The following DISP3 variants were observed in gnomAD, a reference collection of about 807,000 sequenced individuals.
DISP3 encodes protein dispatched homolog 3.
Under a neutral mutation model 135.3 loss-of-function variants are expected in DISP3, and 101 were observed. The ratio of observed to expected loss-of-function variants is 0.75; its 90% CI spans 0.64 to 0.88. The LOEUF (loss-of-function observed/expected upper bound fraction) is 0.88, where lower values mean the gene tolerates loss of function less well. Among genes scored for constraint, DISP3 ranks in the 40% least tolerant of loss-of-function variants. The probability of loss-of-function intolerance (pLI) is 0.00; values close to 1 mark genes in which losing one functional copy is unlikely to be tolerated. For missense variants in DISP3, 1,713 were observed against 1,878.6 expected (o/e 0.91, Z 1.63); for synonymous variants, 856 against 817.0 (o/e 1.05, Z -0.81).
At chr1:11,496,286 T>C (rs1641330242) in intron 1 of DISP3, among the ~76,000 whole-genome samples, 1 of 152,192 alleles carries the variant, frequency 6.6e-6, no homozygotes. Context: ...GTTTCGTGGA[T>C]ATGCATCCAC....
At chr1:11,479,848 T>C (rs1371955681) in intron 1 of DISP3, among the ~76,000 whole-genome samples, 1 of 151,990 alleles carries the variant, frequency 6.6e-6, no homozygotes, top group African/African-American at 2.4e-5. Flanking sequence ...CTACCTAGCG[T>C]ACTCGTGCTC....
At chr1:11,490,824 G>A (rs72635482) in intron 1 of DISP3, among the ~76,000 whole-genome samples, 24,315 of 152,180 alleles carry the variant, frequency 0.16, 2,275 homozygotes, top group East Asian at 0.47. Flanking sequence ...CTTGTAGGGT[G>A]GGGGTTGGAT....
At chr1:11,497,238 G>A (rs1212273113) in intron 1 of DISP3, among the ~76,000 whole-genome samples, 1 of 151,906 alleles carries the variant, frequency 6.6e-6, no homozygotes, top group African/African-American at 2.4e-5. Flanking sequence ...AGGTTATTGG[G>A]GTACAGGTGG....
At chr1:11,507,179 A>G (rs970169839) in intron 3 of DISP3, among the ~76,000 whole-genome samples, 1 of 152,188 alleles carries the variant, frequency 6.6e-6, no homozygotes, top group Non-Finnish European at 1.5e-5. Flanking sequence ...TTCAGAAGGC[A>G]CATAGAGTCG....
intron 10 of DISP3, among the ~76,000 whole-genome samples, chr1:11,522,683 AGCCCAGCCAGG>A (rs199629580): frequency 1.3e-3 from 26 of 19,942 alleles, no homozygotes; most frequent in South Asian, 4.6e-3. Flanking sequence ...ACCCAGCCAG[AGCCCAGCCAGG>A]GCCCAGCCAG....
intron 1 of DISP3, among the ~76,000 whole-genome samples, chr1:11,485,519 G>T (rs768903733): frequency 3.9e-5 from 6 of 152,164 alleles, no homozygotes; most frequent in African/African-American, 1.2e-4. Flanking sequence ...TTCAACGGGG[G>T]TCAGGGTGGG....
At chr1:11,487,627 CT>C (rs1466123169) in intron 1 of DISP3, among the ~76,000 whole-genome samples, 1 of 152,244 alleles carries the variant, frequency 6.6e-6, no homozygotes, top group Non-Finnish European at 1.5e-5. Context: ...CATTCCCAGG[CT>C]TCACCTCCTC....
At chr1:11,510,386 A>C (rs1427354296) in intron 3 of DISP3, among the ~76,000 whole-genome samples, 4 of 152,058 alleles carry the variant, frequency 2.6e-5, no homozygotes, top group African/African-American at 7.2e-5. Flanking sequence ...ATTACAGTGT[A>C]TCTTCAAATG....
Position 11,519,738 on chromosome 1 carries a change from C to T in DISP3, c.2058C>T (p.Asp686=), listed in dbSNP as rs374016674. The change falls in exon 9 of 21, where the codon GAC becomes GAT. Residue 686 remains aspartate (D), a synonymous_variant. Coordinates refer to ENST00000294484, the MANE Select transcript of DISP3 (RefSeq NM_020780.2). This position sits in a 1 kb window ranked among gnomAD's most constrained non-coding sequence, Gnocchi z 4.3. ...EEEPVSLELG[D]VSLVSVSPEG... is the part of the protein sequence containing the mutation. Reference sequence around the variant, plus strand: ...TGGCAGTGTCACTGGAGCTGGGAGACGTGTCCCTGGTGTCTGTGTCCCCCG... The same window carrying T: ...TGGCAGTGTCACTGGAGCTGGGAGATGTGTCCCTGGTGTCTGTGTCCCCCG... The T allele has an allele frequency of 1.2e-4, 197 of 1,612,818 alleles. No individual in the cohort carries two copies. The highest frequency in any genetic ancestry group is 8.3e-4 in the African/African-American group (62 of 74,930).
At chr1:11,524,940 A>G (rs1570137439) in intron 11 of DISP3, among the ~76,000 whole-genome samples, 1 of 54,592 alleles carries the variant, frequency 1.8e-5, no homozygotes. Flanking sequence ...TGTGCCCACT[A>G]TCTCCCTCAC....
rs1641439776 is a variant in DISP3 at position 11,499,500 on chromosome 1, G to A, written c.-3-1490G>A. ...TACCATCCCCTCGGCAAGCTGGCAG[G>A]CTCGTGTTAGGGCGTTGCAAATGGG... On this transcript the variant is annotated intron_variant, in intron 1 of 20. Transcript: ENST00000294484. This position sits in a 1 kb window ranked among gnomAD's most constrained non-coding sequence, Gnocchi z 5.2. 6.6e-6 allele frequency among the ~76,000 whole-genome samples: 1 copy of A among 152,230 alleles called. No homozygotes were observed.
intron 1 of DISP3, among the ~76,000 whole-genome samples, chr1:11,490,717 G>A (rs566848014): frequency 2.0e-5 from 3 of 152,178 alleles, no homozygotes; most frequent in African/African-American, 7.2e-5. Flanking sequence ...AGGGTTAGTC[G>A]GGTGGAATTC....
intron 19 of DISP3, 120 bp from the exon 20 acceptor site, chr1:11,535,358 C>G (rs1318708523): frequency 8.7e-6 from 12 of 1,385,460 alleles, no homozygotes; most frequent in Non-Finnish European, 1.2e-5. Context: ...TCAGGGGTCC[C>G]CTCGGTGTGC....
At chr1:11,511,753 G>A (rs56406830) in intron 3 of DISP3, among the ~76,000 whole-genome samples, 22 of 152,292 alleles carry the variant, frequency 1.4e-4, no homozygotes, top group Non-Finnish European at 2.8e-4. Context: ...TCTGTGTGGG[G>A]ACTCTGACCC....
rs1395667741 is a variant in DISP3 at position 11,501,519 on chromosome 1, C to T, written c.527C>T (p.Pro176Leu). The T allele has an allele frequency of 3.1e-6, 5 of 1,604,010 alleles. No individual in the cohort carries two copies. The highest frequency in any genetic ancestry group is 4.5e-5 in the East Asian group (2 of 44,732). ...RQASRAPRVIPAASLGGPGPY... is the reference protein window; with the variant it reads ...RQASRAPRVILAASLGGPGPY... ...GCCTCCCGAGCCCCCCGCGTCATCCCCGCGGCCTCACTCGGTGGCCCAGGC... is the reference window on the plus strand; with the variant it reads ...GCCTCCCGAGCCCCCCGCGTCATCCTCGCGGCCTCACTCGGTGGCCCAGGC... Residue 176 changes from proline to leucine, a missense_variant, in exon 2 of 21, where the codon CCC becomes CTC. This residue lies in a region of DISP3 where 571 missense variants were observed against 494.1 expected (regional missense o/e 1.16). Coordinates refer to ENST00000294484, the MANE Select transcript of DISP3 (RefSeq NM_020780.2). This position sits in a 1 kb window ranked among gnomAD's most constrained non-coding sequence, Gnocchi z 4.9.
chr1:11,502,976 C>T, intron 3 of DISP3, 79 bp downstream of exon 3: 1 of 1,230,082 alleles, frequency 8.1e-7, no homozygotes, highest in Non-Finnish European at 1.1e-6. Flanking sequence ...ACCCCATATC[C>T]CTTTCCCTAT....
chr1:11,495,299 G>A (rs774868876), intron 1 of DISP3, among the ~76,000 whole-genome samples: 24 of 152,202 alleles, frequency 1.6e-4, no homozygotes, highest in African/African-American at 4.8e-4. Flanking sequence ...GCTGAGGCAC[G>A]AGAATCGCTT....
At chr1:11,522,848 A>AGCCAGG (rs1642273304) in intron 10 of DISP3, among the ~76,000 whole-genome samples, 2 of 21,146 alleles carry the variant, frequency 9.5e-5, no homozygotes, top group East Asian at 1.3e-3. Flanking sequence ...ACCCAGCCAG[A>AGCCAGG]GCCCAGCCAG....
At chr1:11,518,894 G>C (rs1642088143) in intron 7 of DISP3, among the ~76,000 whole-genome samples, 1 of 152,116 alleles carries the variant, frequency 6.6e-6, no homozygotes, top group African/African-American at 2.4e-5. Flanking sequence ...GATTATTCTG[G>C]TGCCCAGTCC....
Sources: gnomAD v4.1 joint callset for allele counts (sites outside exome capture counted in the v4.1 genomes callset) on GRCh38, gnomAD v4.1.1 for gene constraint, gnomAD v4.1.1 regional missense constraint, Gnocchi (gnomAD v3.1) non-coding constraint, MANE v1.5 for transcripts, NCBI Gene and HGNC (gene_info 2026-07-23, HGNC 2026-07-21) for gene names.